KCNMA1: variants seen among roughly 807,000 people sequenced by gnomAD.
KCNMA1 encodes Calcium-activated potassium channel subunit alpha-1.
In KCNMA1, 29 loss-of-function variants were observed where a neutral mutation model predicts 140.0. The observed-to-expected ratio is 0.21, with a 90% confidence interval of 0.15 to 0.28. The LOEUF is 0.28. KCNMA1 is among the 10% of genes least tolerant of loss of function. KCNMA1 has a pLI of 1.00. For synonymous variants in KCNMA1, 612 were observed against 611.9 expected (o/e 1.00, Z 0.00); for missense variants, 880 against 1,602.2 (o/e 0.55, Z 7.70).
intron 13 of KCNMA1, among the ~76,000 whole-genome samples, chr10:77,076,436 T>C (rs945823605): frequency 6.6e-6 from 1 of 152,170 alleles, no homozygotes; most frequent in Non-Finnish European, 1.5e-5. Flanking sequence ...CTCCAAGAAT[T>C]CTAGTGATAT....
intron 5 of KCNMA1, chr10:77,148,181 T>C (rs1050186907): frequency 6.6e-6 from 1 of 152,156 alleles, no homozygotes; most frequent in African/African-American, 2.4e-5. Context: ...CTGTCACCTA[T>C]GGCAAGAGAG....
intron 1 of KCNMA1, among the ~76,000 whole-genome samples, chr10:77,629,852 C>T (rs559244797): frequency 2.0e-5 from 3 of 152,280 alleles, no homozygotes; most frequent in Admixed American, 6.5e-5. Flanking sequence ...GTGTGCAGGC[C>T]GCCACGATGC....
intron 2 of KCNMA1, among the ~76,000 whole-genome samples, chr10:77,316,134 C>T (rs749611981): frequency 7.9e-5 from 12 of 152,186 alleles, no homozygotes; most frequent in Non-Finnish European, 1.5e-4. Flanking sequence ...TTCCACTTGA[C>T]TGGACCAAAT....
chr10:77,630,903 C>A (rs1397679789), intron 1 of KCNMA1, among the ~76,000 whole-genome samples: 3 of 151,740 alleles, frequency 2.0e-5, no homozygotes, highest in African/African-American at 7.3e-5. Context: ...CCCAGGAGTT[C>A]AAGACAAGCC....
chr10:77,148,240 A>G (rs2098347992), intron 5 of KCNMA1: 1 of 152,236 alleles, frequency 6.6e-6, no homozygotes, highest in South Asian at 2.1e-4. Flanking sequence ...TATAAAGCCA[A>G]TTCAGAGATC....
chr10:77,053,648 A>G (rs941174502), intron 14 of KCNMA1, among the ~76,000 whole-genome samples: 2 of 152,202 alleles, frequency 1.3e-5, no homozygotes, highest in African/African-American at 4.8e-5. Context: ...GTAGGTAGGG[A>G]TGCCTTTATG....
At chr10:77,167,621 T>G (rs2098657644) in intron 5 of KCNMA1, among the ~76,000 whole-genome samples, 1 of 152,088 alleles carries the variant, frequency 6.6e-6, no homozygotes, top group Admixed American at 6.6e-5. Context: ...GGGCAGAGAC[T>G]AGGGTAAGAC....
chr10:76,906,781 GT>G (rs139999027), intron 25 of KCNMA1, among the ~76,000 whole-genome samples: 3,674 of 152,208 alleles, frequency 0.024, 151 homozygotes, highest in African/African-American at 0.084. Context: ...TGACTAATCT[GT>G]TTTTTCATAC....
At chr10:77,192,583 T>C (rs1333427344) in intron 3 of KCNMA1, among the ~76,000 whole-genome samples, 15 of 152,164 alleles carry the variant, frequency 9.9e-5, no homozygotes. Context: ...TTCTCTTCTG[T>C]AAACTGGGGA....
At chr10:77,563,130 T>C (rs1331834966) in intron 1 of KCNMA1, among the ~76,000 whole-genome samples, 2 of 152,180 alleles carry the variant, frequency 1.3e-5, no homozygotes, top group East Asian at 1.9e-4. Flanking sequence ...AAGATTCTTT[T>C]TTTTTCCAAA....
chr10:77,347,097 T>C (rs2092282111), intron 2 of KCNMA1, among the ~76,000 whole-genome samples: 1 of 152,158 alleles, frequency 6.6e-6, no homozygotes, highest in African/African-American at 2.4e-5. Context: ...AGTTTCCCCA[T>C]CTGTAAAATG....
chr10:76,927,651 A>G (rs1309213330), intron 23 of KCNMA1, among the ~76,000 whole-genome samples: 1 of 152,258 alleles, frequency 6.6e-6, no homozygotes, highest in African/African-American at 2.4e-5. Context: ...AGCCCTTTCT[A>G]CATGTGGTTG....
At chr10:77,211,036 A>C (rs2154173570) in intron 3 of KCNMA1, among the ~76,000 whole-genome samples, 1 of 152,290 alleles carries the variant, frequency 6.6e-6, no homozygotes, top group Non-Finnish European at 1.5e-5. Context: ...ACTACCAATA[A>C]CATTCTTCAC....
At chr10:77,440,276 G>A (rs1423815402) in intron 1 of KCNMA1, among the ~76,000 whole-genome samples, 1 of 152,210 alleles carries the variant, frequency 6.6e-6, no homozygotes, top group Admixed American at 6.5e-5. Context: ...CGCTTTGCAC[G>A]TTTTTAATAC....
chr10:77,390,174 A>T (rs1481389282), intron 2 of KCNMA1, among the ~76,000 whole-genome samples: 3 of 152,212 alleles, frequency 2.0e-5, no homozygotes, highest in South Asian at 2.1e-4. Context: ...CCCTCTATTT[A>T]TGGAGATGCT....
chr10:77,329,158 T>C (rs1695602125), intron 2 of KCNMA1, among the ~76,000 whole-genome samples: 7 of 152,182 alleles, frequency 4.6e-5, no homozygotes, highest in Admixed American at 3.9e-4. Context: ...TCTATATTTT[T>C]AGTCATTGGG....
chr10:76,901,753 T>G (rs2045534865), intron 25 of KCNMA1: 1 of 152,242 alleles, frequency 6.6e-6, no homozygotes, highest in Admixed American at 6.5e-5. Flanking sequence ...GTCTGCTCTC[T>G]GAGCTGGCAC....
intron 3 of KCNMA1, among the ~76,000 whole-genome samples, chr10:77,248,557 C>T (rs575637020): frequency 1.5e-4 from 23 of 152,114 alleles, no homozygotes; most frequent in Non-Finnish European, 2.6e-4. Context: ...ATAACTTCCA[C>T]GAGAAGTTTA....
At chr10:77,335,975 G>T (rs1204941932) in intron 2 of KCNMA1, among the ~76,000 whole-genome samples, 1 of 152,156 alleles carries the variant, frequency 6.6e-6, no homozygotes, top group Non-Finnish European at 1.5e-5. Context: ...ACTGGGATGG[G>T]AATGAGAGGA....
Sources: allele counts gnomAD v4.1 joint callset (sites outside exome capture counted in the v4.1 genomes callset), GRCh38; gene constraint gnomAD v4.1.1; transcripts MANE v1.5; gene names NCBI Gene and HGNC (gene_info 2026-07-23, HGNC 2026-07-21).